UBE2G1: variants seen among roughly 807,000 people sequenced by gnomAD.
UBE2G1 encodes the protein ubiquitin-conjugating enzyme E2 G1.
Under a neutral mutation model 22.7 loss-of-function variants are expected in UBE2G1, and 5 were observed. That is an observed-to-expected ratio of 0.22 (90% CI 0.12 to 0.46). The LOEUF (loss-of-function observed/expected upper bound fraction) is 0.46, where lower values mean the gene tolerates loss of function less well. UBE2G1 is among the 20% of genes least tolerant of loss of function. The pLI is 0.99. For synonymous variants in UBE2G1, 74 were observed against 67.5 expected (o/e 1.10, Z -0.47); for missense variants, 88 against 203.9 (o/e 0.43, Z 3.46).
chr17:4,355,610 C>T (rs1401376145), intron 1 of UBE2G1, among the ~76,000 whole-genome samples: 2 of 146,746 alleles, frequency 1.4e-5, no homozygotes, highest in African/African-American at 2.5e-5. Context: ...CCACTACACT[C>T]CAGCCTGGGC....
chr17:4,359,265 A>G (rs1969940598), intron 1 of UBE2G1, among the ~76,000 whole-genome samples: 1 of 152,228 alleles, frequency 6.6e-6, no homozygotes, highest in Admixed American at 6.5e-5. Flanking sequence ...GCTGCCAGGT[A>G]AAAATTTAAG....
intron 1 of UBE2G1, among the ~76,000 whole-genome samples, chr17:4,340,806 CA>C (rs539118574): frequency 4.0e-5 from 6 of 149,488 alleles, no homozygotes; most frequent in Admixed American, 1.3e-4. Flanking sequence ...TGGGGTCTCA[CA>C]ATGTTGACCA....
intron 2 of UBE2G1, among the ~76,000 whole-genome samples, chr17:4,305,567 G>C (rs1969240566): frequency 6.6e-6 from 1 of 152,176 alleles, no homozygotes; most frequent in South Asian, 2.1e-4. Flanking sequence ...TTTTGAGACG[G>C]AGTCTCGCTC....
intron 5 of UBE2G1, among the ~76,000 whole-genome samples, chr17:4,274,892 A>T (rs142030010): frequency 0.012 from 136 of 11,036 alleles, no homozygotes; most frequent in Admixed American, 0.02. Context: ...CTGTACAATA[A>T]ATAATATAAT....
chr17:4,364,953 G>T (rs1970015523), intron 1 of UBE2G1, among the ~76,000 whole-genome samples: 1 of 152,188 alleles, frequency 6.6e-6, no homozygotes, highest in South Asian at 2.1e-4. Flanking sequence ...TTTACTGCAA[G>T]CTAACTCCCC....
At chr17:4,317,356 G>GA (rs927965720) in intron 1 of UBE2G1, among the ~76,000 whole-genome samples, 54 of 145,854 alleles carry the variant, frequency 3.7e-4, no homozygotes, top group Middle Eastern at 3.6e-3. Flanking sequence ...GTCTCAAAAA[G>GA]AAAAAAAAAA....
At chr17:4,297,453 C>A (rs1044957851) in intron 2 of UBE2G1, among the ~76,000 whole-genome samples, 26 of 152,216 alleles carry the variant, frequency 1.7e-4, no homozygotes, top group African/African-American at 5.8e-4. Flanking sequence ...AATAATGTAG[C>A]CACCAACCAC....
intron 5 of UBE2G1, among the ~76,000 whole-genome samples, chr17:4,281,113 C>T (rs1311315944): frequency 1.3e-5 from 2 of 152,080 alleles, no homozygotes; most frequent in African/African-American, 4.8e-5. Context: ...GGATAGCCAC[C>T]CTCTATAACA....
intron 1 of UBE2G1, among the ~76,000 whole-genome samples, chr17:4,333,617 C>G (rs1969609900): frequency 6.6e-6 from 1 of 151,824 alleles, no homozygotes. Flanking sequence ...GTCAGGAGAT[C>G]GAGACCATCC....
chr17:4,280,058 T>C (rs1968868292), intron 5 of UBE2G1, among the ~76,000 whole-genome samples: 1 of 150,450 alleles, frequency 6.6e-6, no homozygotes, highest in Non-Finnish European at 1.5e-5. Flanking sequence ...TTTTTTGAGA[T>C]GAAGTCTCAC....
chr17:4,302,786 T>C (rs1188203986), intron 2 of UBE2G1: 1 of 181,598 alleles, frequency 5.5e-6, no homozygotes, highest in Non-Finnish European at 1.2e-5. Context: ...AGTTTAGTCA[T>C]GAGAAAAAAA....
intron 2 of UBE2G1, chr17:4,302,370 G>C (rs1300369411): frequency 4.1e-6 from 2 of 486,262 alleles, no homozygotes; most frequent in African/African-American, 4.0e-5. Context: ...GAGCCCTTGG[G>C]TTGCTGTGTC....
chr17:4,343,941 G>T (rs1486224746), intron 1 of UBE2G1, among the ~76,000 whole-genome samples: 1 of 152,100 alleles, frequency 6.6e-6, no homozygotes, highest in Non-Finnish European at 1.5e-5. Flanking sequence ...TTTCTCCTCA[G>T]TTGCAACAGA....
intron 4 of UBE2G1, among the ~76,000 whole-genome samples, chr17:4,283,545 C>A (rs915398632): frequency 6.6e-6 from 1 of 152,122 alleles, no homozygotes; most frequent in Non-Finnish European, 1.5e-5. Flanking sequence ...CCAACTCTCC[C>A]TATTGGAAAC....
At chr17:4,299,887 C>T (rs1458008034) in intron 2 of UBE2G1, among the ~76,000 whole-genome samples, 20 of 146,730 alleles carry the variant, frequency 1.4e-4, no homozygotes, top group Admixed American at 1.3e-3. Flanking sequence ...AGTGCAGTGG[C>T]GTGATCTCGG....
chr17:4,283,015 G>T, intron 4 of UBE2G1, 94 bp from the exon 5 acceptor site: 1 of 1,047,140 alleles, frequency 9.5e-7, no homozygotes, highest in South Asian at 1.5e-5. Context: ...ATCCCTTGGT[G>T]ATTTGTACAC....
At chr17:4,283,026 T>C in intron 4 of UBE2G1, 105 bp from the exon 5 acceptor site, 1 of 932,242 alleles carries the variant, frequency 1.1e-6, no homozygotes, top group Non-Finnish European at 1.6e-6. Context: ...ATTTGTACAC[T>C]TCAGAAACAT....
At chr17:4,344,450 GA>G (rs1431043528) in intron 1 of UBE2G1, among the ~76,000 whole-genome samples, 3 of 151,936 alleles carry the variant, frequency 2.0e-5, no homozygotes, top group African/African-American at 7.3e-5. Flanking sequence ...TGAGGCAGGA[GA>G]ATCTCTTGAA....
intron 4 of UBE2G1, among the ~76,000 whole-genome samples, chr17:4,287,886 ACT>A: frequency 6.6e-6 from 1 of 152,230 alleles, no homozygotes; most frequent in East Asian, 1.9e-4. Flanking sequence ...GAAAAAAAAA[ACT>A]GCAGGATAGG....
Sources: gnomAD v4.1 joint callset for allele counts (sites outside exome capture counted in the v4.1 genomes callset) on GRCh38, gnomAD v4.1.1 for gene constraint, MANE v1.5 for transcripts, NCBI Gene and HGNC (gene_info 2026-07-23, HGNC 2026-07-21) for gene names.